Variants in DZIP3 observed in about 807,000 individuals in gnomAD.
The protein encoded by DZIP3 is E3 ubiquitin-protein ligase DZIP3.
A neutral mutation model predicts 162.0 loss-of-function variants in DZIP3; 118 were observed. The observed-to-expected ratio is 0.73, with a 90% CI of 0.63 to 0.85. DZIP3 has a LOEUF of 0.85. Ranked by LOEUF, DZIP3 falls within the 40% of genes least tolerant of loss-of-function variation. The pLI is 0.00. For missense variants in DZIP3, 1,331 were observed against 1,407.0 expected, an observed-to-expected ratio of 0.95 and a Z score of 0.86; for synonymous variants, 438 against 458.6, an observed-to-expected ratio of 0.96 and a Z score of 0.57.
chr3:108,607,560 A>T (rs1940449930), intron 2 of DZIP3, among the ~76,000 whole-genome samples: 1 of 152,182 alleles, frequency 6.6e-6, no homozygotes, highest in African/African-American at 2.4e-5. Context: ...TCACATTTTG[A>T]GCTAAGGTTA....
intron 7 of DZIP3, among the ~76,000 whole-genome samples, chr3:108,628,353 C>A (rs1035295300): frequency 1.3e-5 from 2 of 152,190 alleles, no homozygotes; most frequent in Non-Finnish European, 2.9e-5. Flanking sequence ...TAAGCACATT[C>A]ACCTAAATAT....
At chr3:108,661,104 AT>A (rs1470602775) in intron 19 of DZIP3, among the ~76,000 whole-genome samples, 2 of 152,208 alleles carry the variant, frequency 1.3e-5, no homozygotes, top group African/African-American at 4.8e-5. Flanking sequence ...AGAACTAGAG[AT>A]ACCATTTGAC....
intron 19 of DZIP3, among the ~76,000 whole-genome samples, chr3:108,657,722 A>G (rs1193762674): frequency 6.6e-6 from 1 of 152,206 alleles, no homozygotes; most frequent in Non-Finnish European, 1.5e-5. Flanking sequence ...AAGATCCATC[A>G]GTGTGCTGTA....
At chr3:108,670,620 G>C (rs546237225) in intron 22 of DZIP3, among the ~76,000 whole-genome samples, 83 of 151,782 alleles carry the variant, frequency 5.5e-4, no homozygotes, top group Non-Finnish European at 9.9e-4. Flanking sequence ...ACATGTTTTT[G>C]TATTTCTTGG....
intron 10 of DZIP3, chr3:108,635,358 A>C (rs769336322): frequency 3.2e-6 from 1 of 310,280 alleles, no homozygotes; most frequent in Non-Finnish European, 6.3e-6. Context: ...AAGGATAATT[A>C]TACAGTTTTA....
rs1031618804 is a variant in DZIP3, at chr3:108,693,720, C to T, written c.*367C>T. The T allele has an allele frequency of 6.6e-6, 1 of 152,132 alleles. No homozygotes were observed. The highest frequency in any genetic ancestry group is 2.1e-4 in the South Asian group (1 of 4,826). The allele number at this position is 152,132 out of a possible 1,614,324, so 9.4% of individuals were successfully genotyped here. On this transcript the variant is annotated 3_prime_UTR_variant, in exon 33 of 33. Transcript: ENST00000361582. Reference sequence around the variant, plus strand: ...AGGAGTTAATATGCAAACTAAATCACTCGCTCAATTGAATAATTGAGATCT... The same window carrying T: ...AGGAGTTAATATGCAAACTAAATCATTCGCTCAATTGAATAATTGAGATCT...
intron 14 of DZIP3, among the ~76,000 whole-genome samples, chr3:108,645,259 A>T (rs1277655956): frequency 6.6e-6 from 1 of 152,184 alleles, no homozygotes; most frequent in Non-Finnish European, 1.5e-5. Context: ...TTATCACTTT[A>T]AGTGGAGTTT....
At chr3:108,614,103 TGAAAAG>T (rs1940869743) in intron 4 of DZIP3, among the ~76,000 whole-genome samples, 1 of 152,164 alleles carries the variant, frequency 6.6e-6, no homozygotes, top group Non-Finnish European at 1.5e-5. Context: ...TAAAAGCACT[TGAAAAG>T]GAAGTAATAA....
intron 15 of DZIP3, 83 bp from the exon 16 acceptor site, chr3:108,647,860 T>A (rs1375695773): frequency 8.5e-7 from 1 of 1,172,962 alleles, no homozygotes; most frequent in Non-Finnish European, 1.2e-6. Context: ...TGAATGTTGC[T>A]TTTTTGGGCA....
chr3:108,621,368 A>G (rs530385912), intron 5 of DZIP3, among the ~76,000 whole-genome samples: 1 of 152,332 alleles, frequency 6.6e-6, no homozygotes, highest in East Asian at 1.9e-4. Context: ...ATGCAGGCAT[A>G]CAATACATAA....
At chr3:108,600,809 C>T (rs1268767413) in intron 1 of DZIP3, among the ~76,000 whole-genome samples, 2 of 152,026 alleles carry the variant, frequency 1.3e-5, no homozygotes, top group African/African-American at 4.8e-5. Context: ...CTATGGATCC[C>T]TATGTTTTAG....
Position 108,632,938 on chromosome 3 carries a change from G to A in DZIP3, c.697-15G>A, listed in dbSNP as rs1183128379. The A allele has an allele frequency of 2.2e-5, 29 of 1,336,488 alleles. No individual in the cohort carries two copies. Among genetic ancestry groups the A allele is most frequent in the Non-Finnish European group, 2.8e-5 (28 of 997,540 alleles). The allele number at this position is 1,336,488 out of a possible 1,614,324, so 82.8% of individuals were successfully genotyped here. A position where few individuals can be genotyped will look rare whatever the true frequency, so the allele number is the denominator to read the frequency against. ...TTAGTAATTCATGAGAATTCTTTCT[G>A]TTTTTAAAATCTAGGATCTTCTTAA... On this transcript the variant is annotated splice_polypyrimidine_tract_variant and intron_variant, in intron 8 of 32. Coordinates refer to ENST00000361582, the MANE Select transcript of DZIP3 (RefSeq NM_014648.4).
upstream of DZIP3, chr3:108,589,527 G>A (rs1006595586): frequency 7.6e-5 from 42 of 551,338 alleles, no homozygotes; most frequent in Middle Eastern, 4.7e-4. Flanking sequence ...AGGCACCCTA[G>A]GGGACCGTTC....
chr3:108,630,573 G>A (rs186082970), intron 8 of DZIP3, among the ~76,000 whole-genome samples: 150 of 152,110 alleles, frequency 9.9e-4, no homozygotes, highest in African/African-American at 3.1e-3. Flanking sequence ...CATTGTCAAG[G>A]TAATCATATG....
chr3:108,628,167 G>A (rs1180808240), intron 7 of DZIP3, among the ~76,000 whole-genome samples: 2 of 152,076 alleles, frequency 1.3e-5, no homozygotes, highest in African/African-American at 4.8e-5. Flanking sequence ...ATGAGCCACC[G>A]CACCCAGCCA....
intron 12 of DZIP3, among the ~76,000 whole-genome samples, chr3:108,639,563 C>G (rs1942296597): frequency 6.6e-6 from 1 of 152,106 alleles, no homozygotes; most frequent in Admixed American, 6.6e-5. Flanking sequence ...AGGATTCCCC[C>G]ATTCTCTTAG....
rs1942708701 is a variant in DZIP3 at position 108,648,103 on chromosome 3, T to G, written c.1953T>G (p.Asp651Glu). 6.3e-7 allele frequency: 1 copy of G among 1,596,652 alleles called. No homozygotes were observed. The highest frequency in any genetic ancestry group is 1.4e-5 in the African/African-American group (1 of 73,736). The change falls in exon 16 of 33, where the codon GAT becomes GAG. Residue 651 changes from aspartate (D) to glutamate (E), a missense_variant. Asp to Glu is a conservative substitution (Grantham distance 45). Coordinates refer to ENST00000361582, the MANE Select transcript of DZIP3 (RefSeq NM_014648.4). ...AATCTTCAACAGAATCTCTTAAAGATCTCCAGGAAGTATAAGCTCTCATTA... is the reference window on the plus strand; with the variant it reads ...AATCTTCAACAGAATCTCTTAAAGAGCTCCAGGAAGTATAAGCTCTCATTA... ...PSESSTESLK[D>E]LQEVKSKQRK...
chr3:108,673,757 C>T (rs1944005910), intron 23 of DZIP3, among the ~76,000 whole-genome samples: 1 of 151,940 alleles, frequency 6.6e-6, no homozygotes, highest in Non-Finnish European at 1.5e-5. Flanking sequence ...CCAAGCTATA[C>T]TCAGTATCAA....
At chr3:108,636,814 A>T in intron 11 of DZIP3, 106 bp downstream of exon 11, 1 of 777,692 alleles carries the variant, frequency 1.3e-6, no homozygotes, top group East Asian at 2.9e-5. Flanking sequence ...GATTCCAGCC[A>T]TATTGCCTTT....
Sources: gnomAD v4.1 joint callset for allele counts (sites outside exome capture counted in the v4.1 genomes callset) on GRCh38, gnomAD v4.1.1 for gene constraint, MANE v1.5 for transcripts, NCBI Gene and HGNC (gene_info 2026-07-23, HGNC 2026-07-21) for gene names.